TRIQK: variants seen among roughly 807,000 people sequenced by gnomAD.
The protein encoded by TRIQK is triple QxxK/R motif-containing protein.
In TRIQK, 10 loss-of-function variants were observed where a neutral mutation model predicts 10.8. That is an observed-to-expected ratio of 0.92 (90% CI 0.57 to 1.57). The LOEUF (loss-of-function observed/expected upper bound fraction) is 1.57, where lower values mean the gene tolerates loss of function less well. Ranked by LOEUF, TRIQK falls within the 40% of genes most tolerant of loss-of-function variation. The pLI, the probability that TRIQK is intolerant of heterozygous loss-of-function variation, is 0.00. For missense variants in TRIQK, 107 were observed against 97.7 expected (o/e 1.09, Z -0.40); for synonymous variants, 33 against 33.7 (o/e 0.98, Z 0.07).
intron 2 of TRIQK, among the ~76,000 whole-genome samples, chr8:92,945,013 AAAATT>A (rs1385574714): frequency 6.6e-6 from 1 of 152,210 alleles, no homozygotes; most frequent in East Asian, 1.9e-4. Flanking sequence ...AGTTAATAAA[AAAATT>A]AAATAGATAA....
At chr8:92,994,911 AAT>A (rs971484044) in intron 1 of TRIQK, among the ~76,000 whole-genome samples, 3 of 145,380 alleles carry the variant, frequency 2.1e-5, no homozygotes, top group African/African-American at 8.1e-5. Context: ...TTTCCATTAC[AAT>A]ATGTTCCTTC....
intron 3 of TRIQK, among the ~76,000 whole-genome samples, chr8:92,894,089 G>T (rs992908259): frequency 6.6e-6 from 1 of 151,848 alleles, no homozygotes; most frequent in Non-Finnish European, 1.5e-5. Flanking sequence ...AATACTTCCA[G>T]ATTTGTATTC....
At chr8:92,901,744 T>C (rs996084645) in intron 3 of TRIQK, among the ~76,000 whole-genome samples, 3 of 152,174 alleles carry the variant, frequency 2.0e-5, no homozygotes, top group Non-Finnish European at 4.4e-5. Flanking sequence ...GGTATTACAG[T>C]AATACTGGCC....
chr8:93,016,846 T>C (rs1392398905), intron 1 of TRIQK, among the ~76,000 whole-genome samples: 2 of 152,064 alleles, frequency 1.3e-5, no homozygotes, highest in African/African-American at 2.4e-5. Flanking sequence ...AAAGCAAAGA[T>C]GTAAGGCTAG....
chr8:93,015,912 T>C (rs879451540), intron 1 of TRIQK, among the ~76,000 whole-genome samples: 7 of 151,468 alleles, frequency 4.6e-5, no homozygotes, highest in Non-Finnish European at 8.8e-5. Context: ...ACAAAACACC[T>C]TGTGCATCAG....
At chr8:92,888,153 C>T (rs1465504611) in intron 4 of TRIQK, among the ~76,000 whole-genome samples, 1 of 151,620 alleles carries the variant, frequency 6.6e-6, no homozygotes, top group African/African-American at 2.4e-5. Context: ...CACACAACTG[C>T]AAACTCCATC....
chr8:92,926,789 C>T (rs1436207068), intron 2 of TRIQK, among the ~76,000 whole-genome samples: 1 of 152,022 alleles, frequency 6.6e-6, no homozygotes, highest in Non-Finnish European at 1.5e-5. Flanking sequence ...AAGTAAAAGG[C>T]AAGATTATCT....
chr8:92,931,766 G>C (rs1327641084), intron 2 of TRIQK, among the ~76,000 whole-genome samples: 2 of 152,032 alleles, frequency 1.3e-5, no homozygotes, highest in Non-Finnish European at 2.9e-5. Context: ...ATTACAGCAA[G>C]ATAAACTTAA....
At chr8:92,939,669 C>A (rs1811173400) in intron 2 of TRIQK, among the ~76,000 whole-genome samples, 1 of 152,180 alleles carries the variant, frequency 6.6e-6, no homozygotes, top group Non-Finnish European at 1.5e-5. Context: ...TGTGGCTCAA[C>A]ACAGCCAACA....
intron 1 of TRIQK, among the ~76,000 whole-genome samples, chr8:92,985,502 T>C (rs950110778): frequency 1.3e-5 from 2 of 152,136 alleles, no homozygotes; most frequent in Non-Finnish European, 2.9e-5. Context: ...AATTGGGGGA[T>C]AGCTTAGTGT....
upstream of TRIQK, among the ~76,000 whole-genome samples, chr8:92,968,272 G>T (rs1056276514): frequency 6.6e-6 from 1 of 152,142 alleles, no homozygotes; most frequent in Non-Finnish European, 1.5e-5. Context: ...ACGTTGGCAT[G>T]TGTCTTTATA....
chr8:92,957,811 C>T (rs999291203), intron 1 of TRIQK, among the ~76,000 whole-genome samples: 17 of 151,734 alleles, frequency 1.1e-4, no homozygotes, highest in African/African-American at 3.6e-4. Context: ...TAATGATTTA[C>T]GTTTATTTAA....
intron 1 of TRIQK, among the ~76,000 whole-genome samples, chr8:92,990,626 C>T (rs944166467): frequency 2.0e-5 from 3 of 152,184 alleles, no homozygotes; most frequent in East Asian, 1.9e-4. Flanking sequence ...CGTGGGAAGT[C>T]GCTTCACCTG....
chr8:92,950,115 A>G (rs920843502), intron 2 of TRIQK, among the ~76,000 whole-genome samples: 3 of 152,166 alleles, frequency 2.0e-5, no homozygotes, highest in African/African-American at 7.2e-5. Flanking sequence ...TAACTTTTAA[A>G]ATGCCAAATT....
intron 1 of TRIQK, among the ~76,000 whole-genome samples, chr8:92,964,450 G>GTATATATA (rs1394138221): frequency 7.9e-6 from 1 of 127,336 alleles, no homozygotes; most frequent in African/African-American, 2.8e-5. Flanking sequence ...ATCTTTTCAG[G>GTATATATA]TATATATATA....
intron 2 of TRIQK, among the ~76,000 whole-genome samples, chr8:92,922,770 G>A (rs1433239895): frequency 6.6e-6 from 1 of 151,568 alleles, no homozygotes; most frequent in African/African-American, 2.4e-5. Context: ...CATTTTATAG[G>A]TATAATAATC....
At chr8:92,934,233 A>G (rs867767571) in intron 2 of TRIQK, among the ~76,000 whole-genome samples, 78 of 151,992 alleles carry the variant, frequency 5.1e-4, no homozygotes, top group African/African-American at 1.6e-3. Flanking sequence ...TTTCAATGAA[A>G]GACTAGATGA....
chr8:92,985,724 T>A (rs1481543349), intron 1 of TRIQK, among the ~76,000 whole-genome samples: 1 of 152,182 alleles, frequency 6.6e-6, no homozygotes, highest in Non-Finnish European at 1.5e-5. Context: ...AAATGAGTTT[T>A]TGTTGCCGAT....
At chr8:92,997,355 A>G (rs754248798) in intron 1 of TRIQK, among the ~76,000 whole-genome samples, 1 of 152,098 alleles carries the variant, frequency 6.6e-6, no homozygotes, top group African/African-American at 2.4e-5. Context: ...TATTATTTGC[A>G]TATTAAAAGA....
Sources: allele counts gnomAD v4.1 joint callset (sites outside exome capture counted in the v4.1 genomes callset), GRCh38; gene constraint gnomAD v4.1.1; transcripts MANE v1.5; gene names NCBI Gene and HGNC (gene_info 2026-07-23, HGNC 2026-07-21).